CAP2: variants seen among roughly 807,000 people sequenced by gnomAD.
The protein encoded by CAP2 is cyclase associated actin cytoskeleton regulatory protein 2.
CAP2 carries 24 observed loss-of-function variants against 57.7 expected under a neutral mutation model. The ratio of observed to expected loss-of-function variants is 0.42; its 90% CI spans 0.30 to 0.58. The LOEUF (loss-of-function observed/expected upper bound fraction) is 0.58, where lower values mean the gene tolerates loss of function less well. Ranked by LOEUF, CAP2 falls within the 20% of genes least tolerant of loss-of-function variation. The pLI, the probability that CAP2 is intolerant of heterozygous loss-of-function variation, is 0.22. For missense variants in CAP2, 501 were observed against 590.3 expected (o/e 0.85, Z 1.57); for synonymous variants, 194 against 207.2 (o/e 0.94, Z 0.55).
chr6:17,444,932 G>A (rs946053707), intron 3 of CAP2, among the ~76,000 whole-genome samples: 11 of 151,718 alleles, frequency 7.3e-5, no homozygotes, highest in Non-Finnish European at 1.2e-4. Context: ...TGTAGTTGAG[G>A]AAAGTGAGCC....
chr6:17,421,766 A>G, intron 2 of CAP2, 90 bp downstream of exon 2: 1 of 1,431,850 alleles, frequency 7.0e-7, no homozygotes, highest in Non-Finnish European at 9.8e-7. Context: ...CATTTCTATT[A>G]TCCTTCAGCT....
At chr6:17,442,386 T>C (rs1390877958) in intron 3 of CAP2, among the ~76,000 whole-genome samples, 1 of 152,198 alleles carries the variant, frequency 6.6e-6, no homozygotes, top group Non-Finnish European at 1.5e-5. Flanking sequence ...TTCTGTTCTG[T>C]GTTCGCTGAC....
intron 3 of CAP2, among the ~76,000 whole-genome samples, chr6:17,443,361 C>CTCAAG (rs1156716531): frequency 1.3e-5 from 2 of 152,126 alleles, no homozygotes; most frequent in Non-Finnish European, 2.9e-5. Flanking sequence ...CTTGCCTTGA[C>CTCAAG]GCCTCTTTTC....
chr6:17,404,300 A>G (rs922863645), intron 1 of CAP2, among the ~76,000 whole-genome samples: 1 of 151,962 alleles, frequency 6.6e-6, no homozygotes, highest in East Asian at 1.9e-4. Flanking sequence ...GTAAAACTCT[A>G]TCTCTATTAA....
chr6:17,521,724 TG>T (rs200545898), intron 7 of CAP2, among the ~76,000 whole-genome samples: 1,940 of 152,188 alleles, frequency 0.013, 23 homozygotes, highest in Middle Eastern at 0.02. Flanking sequence ...GCATGACGCT[TG>T]CATAGACCAG....
At chr6:17,458,886 C>CAAAAAAAAA (rs397779120) in intron 3 of CAP2, among the ~76,000 whole-genome samples, 7 of 110,268 alleles carry the variant, frequency 6.3e-5, no homozygotes, top group African/African-American at 2.1e-4. Context: ...CACAAAGGAG[C>CAAAAAAAAA]AAAAAAAAAA....
chr6:17,438,906 T>A (rs1759986797), intron 3 of CAP2, among the ~76,000 whole-genome samples: 2 of 148,034 alleles, frequency 1.4e-5, no homozygotes, highest in South Asian at 4.3e-4. Context: ...ATGTCAGGAG[T>A]TCAAGACCAG....
intron 1 of CAP2, among the ~76,000 whole-genome samples, chr6:17,411,554 C>T (rs1348857783): frequency 6.6e-6 from 1 of 152,148 alleles, no homozygotes; most frequent in African/African-American, 2.4e-5. Context: ...GATGTTGAGC[C>T]CTTTCACATG....
intron 11 of CAP2, among the ~76,000 whole-genome samples, chr6:17,543,413 T>G (rs1276131364): frequency 6.6e-6 from 1 of 151,928 alleles, no homozygotes; most frequent in African/African-American, 2.4e-5. Flanking sequence ...GTCAGGAGAT[T>G]GAGACCATCC....
At chr6:17,530,638 C>G (rs1379367095) in intron 7 of CAP2, among the ~76,000 whole-genome samples, 1 of 152,112 alleles carries the variant, frequency 6.6e-6, no homozygotes, top group Non-Finnish European at 1.5e-5. Flanking sequence ...TCAGCTGTTT[C>G]ATTTTGTGGC....
At position 17,426,710 on chromosome 6, in the gene CAP2, G is replaced by A; in HGVS notation, c.222+20G>A. ...ACCCATGTAAGTACTTTCCTCCCCT[G>A]TTCTCAGTAGAGAGTTTAAACTTAC... On this transcript the variant is annotated intron_variant, in intron 3 of 12. Coordinates refer to ENST00000229922, the MANE Select transcript of CAP2 (RefSeq NM_006366.3). 6.5e-7 allele frequency: 1 copy of A among 1,531,230 alleles called. No individual in the cohort carries two copies. 94.9% of individuals were successfully genotyped at this position (1,531,230 alleles called of 1,614,324 possible). A position where few individuals can be genotyped will look rare whatever the true frequency, so the allele number is the denominator to read the frequency against.
intron 7 of CAP2, among the ~76,000 whole-genome samples, chr6:17,538,812 A>G (rs1762833163): frequency 6.6e-6 from 1 of 152,162 alleles, no homozygotes; most frequent in Admixed American, 6.6e-5. Flanking sequence ...AAGGTTCGGA[A>G]ACATCCAATC....
At chr6:17,486,632 T>C (rs912362128) in intron 4 of CAP2, among the ~76,000 whole-genome samples, 1 of 152,000 alleles carries the variant, frequency 6.6e-6, no homozygotes, top group African/African-American at 2.4e-5. Context: ...AGTAAATAAC[T>C]GACAGTGTTG....
chr6:17,451,862 G>A (rs1277292853), intron 3 of CAP2, among the ~76,000 whole-genome samples: 3 of 152,034 alleles, frequency 2.0e-5, no homozygotes, highest in Non-Finnish European at 4.4e-5. Context: ...GTTTCACTCA[G>A]GTCTTTTCAA....
chr6:17,486,969 T>C (rs1295258061), intron 4 of CAP2, among the ~76,000 whole-genome samples: 1 of 152,202 alleles, frequency 6.6e-6, no homozygotes, highest in Non-Finnish European at 1.5e-5. Context: ...GCAGTTCTCC[T>C]TGATTGCATT....
chr6:17,547,580 G>C (rs557180185), intron 11 of CAP2, among the ~76,000 whole-genome samples: 2 of 152,134 alleles, frequency 1.3e-5, no homozygotes, highest in Non-Finnish European at 2.9e-5. Context: ...GGTGGCTCAC[G>C]CCTGTAATCC....
intron 7 of CAP2, among the ~76,000 whole-genome samples, chr6:17,514,472 G>A (rs1762225142): frequency 6.6e-6 from 1 of 151,666 alleles, no homozygotes; most frequent in African/African-American, 2.4e-5. Flanking sequence ...GGCTGGCAGG[G>A]CGCAGTGGCT....
At chr6:17,536,849 G>A (rs1762785232) in intron 7 of CAP2, among the ~76,000 whole-genome samples, 1 of 152,130 alleles carries the variant, frequency 6.6e-6, no homozygotes, top group African/African-American at 2.4e-5. Flanking sequence ...ACTGTTTGAT[G>A]TCCAAAGCTT....
intron 3 of CAP2, among the ~76,000 whole-genome samples, chr6:17,451,494 T>G (rs952878377): frequency 6.6e-6 from 1 of 152,028 alleles, no homozygotes; most frequent in Non-Finnish European, 1.5e-5. Flanking sequence ...TCTCAGCACA[T>G]AGTAGGTATT....
Sources: allele counts gnomAD v4.1 joint callset (sites outside exome capture counted in the v4.1 genomes callset), GRCh38; gene constraint gnomAD v4.1.1; transcripts MANE v1.5; gene names NCBI Gene and HGNC (gene_info 2026-07-23, HGNC 2026-07-21).